The following PITPNC1 variants were observed in gnomAD, a reference collection of about 807,000 sequenced individuals.
PITPNC1 encodes the protein phosphatidylinositol transfer protein cytoplasmic 1, also known as cytoplasmic phosphatidylinositol transfer protein 1.
PITPNC1 carries 18 observed loss-of-function variants against 44.7 expected under a neutral mutation model. The ratio of observed to expected loss-of-function variants is 0.40; its 90% confidence interval spans 0.28 to 0.60. PITPNC1 has a LOEUF of 0.60. Among genes scored for constraint, PITPNC1 ranks in the 20% least tolerant of loss-of-function variants. The pLI is 0.39. For synonymous variants in PITPNC1, 141 were observed against 149.6 expected (o/e 0.94, Z 0.42); for missense variants, 290 against 418.4 (o/e 0.69, Z 2.68).
intron 5 of PITPNC1, among the ~76,000 whole-genome samples, chr17:67,594,857 C>T (rs919677983): frequency 1.3e-5 from 2 of 152,198 alleles, no homozygotes; most frequent in Non-Finnish European, 2.9e-5. Flanking sequence ...ATAGTTCCCA[C>T]TCATAGGGTA....
Position 67,577,821 on chromosome 17 carries a change from C to T in PITPNC1, c.295-365C>T, listed in dbSNP as rs562287776. 4.6e-5 allele frequency among the ~76,000 whole-genome samples: 7 copies of T among 152,264 alleles called. No individual in the cohort carries two copies. The South Asian group carries it at 6.2e-4, about 14-fold the overall frequency. ...TAAGGCTGGGTCCCCAGGAATCCAGCAATGGTAGCTGCTCCCCAAAAGTAA... is the reference window on the plus strand; with the variant it reads ...TAAGGCTGGGTCCCCAGGAATCCAGTAATGGTAGCTGCTCCCCAAAAGTAA... On this transcript the variant is annotated intron_variant, in intron 4 of 8. Transcript: ENST00000581322.
chr17:67,484,555 TAGAACTTGC>T (rs1341225719), intron 1 of PITPNC1, among the ~76,000 whole-genome samples: 1 of 152,208 alleles, frequency 6.6e-6, no homozygotes, highest in East Asian at 1.9e-4. Context: ...AGCCCTAACT[TAGAACTTGC>T]TGGCTTTTAA....
chr17:67,526,876 C>T (rs1436681052), intron 1 of PITPNC1, among the ~76,000 whole-genome samples: 1 of 152,066 alleles, frequency 6.6e-6, no homozygotes, highest in African/African-American at 2.4e-5. Context: ...AAGTGTACAG[C>T]GTGGTGTGTG....
rs77343972 is a variant in PITPNC1, at chr17:67,437,734, C to T, written c.48+59532C>T. On this transcript the variant is annotated intron_variant, in intron 1 of 8. Coordinates refer to ENST00000581322, the MANE Select transcript of PITPNC1 (RefSeq NM_012417.4). ...GGAACTCAAAGGAGCTCTAAGATCC[C>T]AGAGGAGGTCCCTGAGAACGAATGA... 2.3e-3 allele frequency among the ~76,000 whole-genome samples: 352 copies of T among 152,194 alleles called. 1 individual carries two copies. Among genetic ancestry groups the T allele is most frequent in the African/African-American group, 8.2e-3 (342 of 41,524 alleles).
intron 1 of PITPNC1, among the ~76,000 whole-genome samples, chr17:67,380,302 T>G (rs972572360): frequency 3.9e-5 from 6 of 152,160 alleles, no homozygotes; most frequent in Non-Finnish European, 7.4e-5. Flanking sequence ...CTTGAATGCC[T>G]GACCTCAGGC....
chr17:67,579,020 A>G (rs6416953), intron 5 of PITPNC1, among the ~76,000 whole-genome samples: 91,181 of 152,116 alleles, frequency 0.6, 27,796 homozygotes, highest in Middle Eastern at 0.7. Flanking sequence ...AGAATCAGAT[A>G]TGTGTGTGCA....
At chr17:67,689,372 G>T (rs1355088028) in intron 8 of PITPNC1, among the ~76,000 whole-genome samples, 1 of 152,118 alleles carries the variant, frequency 6.6e-6, no homozygotes, top group Non-Finnish European at 1.5e-5. Context: ...GGTGAAAGAT[G>T]CCTGCCACCG....
intron 6 of PITPNC1, among the ~76,000 whole-genome samples, chr17:67,633,982 A>G (rs1024850198): frequency 2.0e-5 from 3 of 152,232 alleles, no homozygotes; most frequent in Admixed American, 6.5e-5. Context: ...TGATACAAAT[A>G]TAGAATATTA....
chr17:67,462,225 C>CTTTTTTTTTTTTTTTTTTTTTTT (rs549707875), intron 1 of PITPNC1, among the ~76,000 whole-genome samples: 6 of 71,244 alleles, frequency 8.4e-5, no homozygotes, highest in Non-Finnish European at 1.3e-4. Context: ...TTCTTTCTTT[C>CTTTTTTTTTTTTTTTTTTTTTTT]TTTTTTTTTT....
intron 1 of PITPNC1, among the ~76,000 whole-genome samples, chr17:67,430,060 C>T (rs2038833153): frequency 6.6e-6 from 1 of 152,222 alleles, no homozygotes; most frequent in African/African-American, 2.4e-5. Flanking sequence ...TTTTTCTGAA[C>T]TTCTTTTTAC....
chr17:67,688,772 A>G (rs1027398796), intron 8 of PITPNC1, among the ~76,000 whole-genome samples: 5 of 152,208 alleles, frequency 3.3e-5, no homozygotes, highest in African/African-American at 9.7e-5. Context: ...AAATATGACC[A>G]GGCAAACAAA....
intron 1 of PITPNC1, among the ~76,000 whole-genome samples, chr17:67,531,183 C>CA (rs2040456250): frequency 6.6e-6 from 1 of 152,130 alleles, no homozygotes; most frequent in African/African-American, 2.4e-5. Context: ...GCGGAGGTTG[C>CA]AATGATCTGA....
At chr17:67,683,048 T>C (rs961400556) in intron 8 of PITPNC1, among the ~76,000 whole-genome samples, 1 of 150,788 alleles carries the variant, frequency 6.6e-6, no homozygotes, top group Non-Finnish European at 1.5e-5. Flanking sequence ...TAATCCCAGC[T>C]ACTTGGGAGG....
chr17:67,485,413 C>A (rs993483066), intron 1 of PITPNC1, among the ~76,000 whole-genome samples: 4 of 149,136 alleles, frequency 2.7e-5, no homozygotes, highest in African/African-American at 9.9e-5. Flanking sequence ...TGCTCTGTCG[C>A]CCAGGCAGTG....
intron 4 of PITPNC1, among the ~76,000 whole-genome samples, chr17:67,555,822 C>T (rs1233209318): frequency 6.6e-6 from 1 of 152,024 alleles, no homozygotes; most frequent in East Asian, 1.9e-4. Flanking sequence ...CCAGCCTGGG[C>T]AACAGAGTGA....
At chr17:67,576,647 T>TC (rs914362420) in intron 4 of PITPNC1, among the ~76,000 whole-genome samples, 1 of 152,136 alleles carries the variant, frequency 6.6e-6, no homozygotes, top group African/African-American at 2.4e-5. Context: ...TACACCAACA[T>TC]CCATCAAAAT....
At chr17:67,686,671 C>A (rs1252155401) in intron 8 of PITPNC1, among the ~76,000 whole-genome samples, 1 of 152,150 alleles carries the variant, frequency 6.6e-6, no homozygotes, top group Non-Finnish European at 1.5e-5. Context: ...ACCTCTAAAT[C>A]TATTTTGAAA....
chr17:67,386,380 T>A (rs1598602797), intron 1 of PITPNC1, among the ~76,000 whole-genome samples: 1 of 151,888 alleles, frequency 6.6e-6, no homozygotes, highest in East Asian at 1.9e-4. Context: ...TTTAGTAGAG[T>A]CGGGGTTTCA....
chr17:67,545,014 A>C (rs186246209), intron 2 of PITPNC1, among the ~76,000 whole-genome samples: 98 of 152,280 alleles, frequency 6.4e-4, no homozygotes, highest in African/African-American at 1.8e-3. Context: ...TTAGTCATTA[A>C]AAAAATACTT....
Sources: allele counts gnomAD v4.1 joint callset (sites outside exome capture counted in the v4.1 genomes callset), GRCh38; gene constraint gnomAD v4.1.1; transcripts MANE v1.5; gene names NCBI Gene and HGNC (gene_info 2026-07-23, HGNC 2026-07-21).